The following ITGB5 variants were observed in gnomAD, a reference collection of about 807,000 sequenced individuals.
ITGB5 encodes the protein integrin beta-5.
A neutral mutation model predicts 84.8 loss-of-function variants in ITGB5; 38 were observed. The observed-to-expected ratio is 0.45, with a 90% confidence interval of 0.35 to 0.59. The LOEUF (loss-of-function observed/expected upper bound fraction) is 0.59, where lower values mean the gene tolerates loss of function less well. Ranked by LOEUF, ITGB5 falls within the 20% of genes least tolerant of loss-of-function variation. The probability of loss-of-function intolerance (pLI) is 0.01; values close to 1 mark genes in which losing one functional copy is unlikely to be tolerated. For synonymous variants in ITGB5, 393 were observed against 414.4 expected, an observed-to-expected ratio of 0.95 and a Z score of 0.63; for missense variants, 905 against 1,034.5, an observed-to-expected ratio of 0.87 and a Z score of 1.72.
At position 124,799,899 on chromosome 3, in the gene ITGB5, G is replaced by A. The variant is rs138781308; in HGVS notation, c.1264-3082C>T. Reference sequence around the variant, plus strand: ...CCTTGATGGTGATCCCCAAAGTGGTGGCCAGAGGCATCTCCACATCTTTCT... The same window carrying A: ...CCTTGATGGTGATCCCCAAAGTGGTAGCCAGAGGCATCTCCACATCTTTCT... On this transcript the variant is annotated intron_variant, in intron 9 of 14. Coordinates refer to ENST00000296181, the MANE Select transcript of ITGB5 (RefSeq NM_002213.5). Among the ~76,000 whole-genome samples the A allele has an allele frequency of 5.0e-3, 759 of 152,320 alleles. 7 individuals carry two copies. The highest frequency in any genetic ancestry group is 0.024 in the Middle Eastern group (7 of 294).
At chr3:124,821,161 A>C (rs1311649159) in intron 6 of ITGB5, 152 bp downstream of exon 6, 9 of 791,232 alleles carry the variant, frequency 1.1e-5, no homozygotes, top group Non-Finnish European at 1.8e-5. Flanking sequence ...GTTGGAGAAG[A>C]CTGAATAATG....
chr3:124,879,974 G>A (rs1193212780), intron 1 of ITGB5, among the ~76,000 whole-genome samples: 1 of 152,104 alleles, frequency 6.6e-6, no homozygotes, highest in Non-Finnish European at 1.5e-5. Context: ...AAAAATTATG[G>A]GACTATATTA....
chr3:124,819,901 A>G, intron 6 of ITGB5, 67 bp from the exon 7 acceptor site: 1 of 1,149,560 alleles, frequency 8.7e-7, no homozygotes. Context: ...ACCTGGCTCC[A>G]ATGCACAGTC....
intron 1 of ITGB5, among the ~76,000 whole-genome samples, chr3:124,896,361 T>G (rs758792098): frequency 6.6e-6 from 1 of 152,204 alleles, no homozygotes; most frequent in Non-Finnish European, 1.5e-5. Context: ...TAAAACATGA[T>G]GCCTGCAATG....
At chr3:124,828,550 C>A (rs898780777) in intron 5 of ITGB5, among the ~76,000 whole-genome samples, 2 of 152,288 alleles carry the variant, frequency 1.3e-5, no homozygotes, top group Middle Eastern at 3.4e-3. Flanking sequence ...TAAAGGGGCA[C>A]AAATACACTT....
At chr3:124,878,674 C>T (rs545612761) in intron 1 of ITGB5, 49 of 152,286 alleles carry the variant, frequency 3.2e-4, no homozygotes, top group Admixed American at 1.8e-3. Context: ...GGATCCAAAA[C>T]CACAGGCTGT....
chr3:124,786,883 A>G (rs1271670934), intron 10 of ITGB5, among the ~76,000 whole-genome samples: 1 of 152,222 alleles, frequency 6.6e-6, no homozygotes, highest in Non-Finnish European at 1.5e-5. Flanking sequence ...AACCCCTAAG[A>G]AATGGAACAA....
chr3:124,854,415 G>A (rs1003451749), intron 3 of ITGB5, among the ~76,000 whole-genome samples: 3 of 152,110 alleles, frequency 2.0e-5, no homozygotes, highest in African/African-American at 7.2e-5. Context: ...CCTCCACAAT[G>A]GAATATTATT....
intron 7 of ITGB5, among the ~76,000 whole-genome samples, chr3:124,819,411 T>C (rs1012303856): frequency 7.9e-5 from 12 of 152,202 alleles, no homozygotes; most frequent in African/African-American, 2.9e-4. Context: ...CTTACTTTTC[T>C]TTGTGTGTAT....
chr3:124,780,246 G>A (rs931094592), intron 10 of ITGB5, among the ~76,000 whole-genome samples: 5 of 152,198 alleles, frequency 3.3e-5, no homozygotes, highest in Admixed American at 1.3e-4. Flanking sequence ...ACCCCCAAAC[G>A]CCACTCTGGG....
At chr3:124,879,269 G>A (rs1204265198) in intron 1 of ITGB5, among the ~76,000 whole-genome samples, 1 of 152,154 alleles carries the variant, frequency 6.6e-6, no homozygotes, top group African/African-American at 2.4e-5. Flanking sequence ...ATGGGTCCAA[G>A]GTCAGACAAC....
chr3:124,774,116 G>A (rs1486727723), intron 10 of ITGB5, among the ~76,000 whole-genome samples: 1 of 152,220 alleles, frequency 6.6e-6, no homozygotes, highest in Non-Finnish European at 1.5e-5. Flanking sequence ...GTGTGGCTGG[G>A]TTGGGTCTAG....
At chr3:124,768,872 G>A (rs2063802226) in intron 12 of ITGB5, 141 bp downstream of exon 12, 2 of 610,724 alleles carry the variant, frequency 3.3e-6, no homozygotes, top group Non-Finnish European at 5.8e-6. Context: ...GTGGATGATG[G>A]TTCCAGCACC....
upstream of ITGB5, chr3:124,887,956 A>T (rs376988322): frequency 3.1e-4 from 71 of 229,926 alleles, 1 homozygote; most frequent in African/African-American, 1.7e-3. Context: ...TCTTGCTCTC[A>T]CTCAGGCTGG....
At chr3:124,884,410 A>G (rs1289591166) in intron 1 of ITGB5, among the ~76,000 whole-genome samples, 1 of 152,072 alleles carries the variant, frequency 6.6e-6, no homozygotes, top group Non-Finnish European at 1.5e-5. Flanking sequence ...AGTCAAAGAG[A>G]TGGGCAGAGG....
At chr3:124,865,481 C>CTTTTT (rs59446328) in intron 2 of ITGB5, among the ~76,000 whole-genome samples, 11,726 of 92,746 alleles carry the variant, frequency 0.13, 1,224 homozygotes, top group Non-Finnish European at 0.17. Context: ...CGGCTTTTTT[C>CTTTTT]TTTTTTTTTT....
At chr3:124,869,223 A>G (rs2065440236) in intron 2 of ITGB5, among the ~76,000 whole-genome samples, 1 of 152,088 alleles carries the variant, frequency 6.6e-6, no homozygotes, top group Admixed American at 6.6e-5. Context: ...CCTGGGATAT[A>G]TGGTTAAGAA....
At chr3:124,853,136 A>C (rs2065179143) in intron 3 of ITGB5, among the ~76,000 whole-genome samples, 1 of 152,226 alleles carries the variant, frequency 6.6e-6, no homozygotes, top group African/African-American at 2.4e-5. Context: ...TTGCCATCCC[A>C]AAATAAATGC....
In ITGB5 at chr3:124,859,342, A is replaced by G. The variant is rs1344389914; in HGVS notation, c.261T>C (p.His87=). Residue 87 remains histidine, a synonymous_variant, in exon 3 of 15, where the codon CAT becomes CAC. Transcript: ENST00000296181. ...TGCTGAGGGGCAGGCTCCTCAGGAC[A>G]TGGAAGCTGCTGGCTGGGCTCTCTA... ...GEIESPASSF[H]VLRSLPLSSK... 2 of 1,614,026 alleles carry G rather than the reference A, an allele frequency of 1.2e-6. No individual in the cohort carries two copies. Among genetic ancestry groups the G allele is most frequent in the Non-Finnish European group, 8.5e-7 (1 of 1,180,022 alleles).
Sources: gnomAD v4.1 joint callset for allele counts (sites outside exome capture counted in the v4.1 genomes callset) on GRCh38, gnomAD v4.1.1 for gene constraint, MANE v1.5 for transcripts, NCBI Gene and HGNC (gene_info 2026-07-23, HGNC 2026-07-21) for gene names.